RRH: variants seen among roughly 807,000 people sequenced by gnomAD.
RRH encodes visual pigment-like receptor peropsin.
Under a neutral mutation model 33.1 loss-of-function variants are expected in RRH, and 36 were observed. That is an observed-to-expected ratio of 1.09 (90% CI 0.83 to 1.44). The LOEUF (loss-of-function observed/expected upper bound fraction) is 1.44, where lower values mean the gene tolerates loss of function less well. Among genes scored for constraint, RRH ranks in the 40% most tolerant of loss-of-function variants. The pLI is 0.00. For synonymous variants in RRH, 124 were observed against 140.2 expected (o/e 0.88, Z 0.82); for missense variants, 393 against 420.2 (o/e 0.94, Z 0.57).
Position 109,843,879 on chromosome 4 carries a change from G to A in RRH, c.900-204G>A, listed in dbSNP as rs976350944. 4.6e-5 allele frequency among the ~76,000 whole-genome samples: 7 copies of A among 152,198 alleles called. No individual in the cohort carries two copies. In the South Asian group the frequency reaches 6.2e-4, roughly 14 times the overall value. Reference sequence around the variant, plus strand: ...AAAGTTTCTCAACAGGAAATCTATAGAATCAATAGTGCAAAATGGGCTTTA... The same window carrying A: ...AAAGTTTCTCAACAGGAAATCTATAAAATCAATAGTGCAAAATGGGCTTTA... On this transcript the variant is annotated intron_variant, in intron 6 of 6. Transcript: ENST00000317735.
chr4:109,830,158 A>C (rs1393197472), intron 1 of RRH, among the ~76,000 whole-genome samples: 1 of 152,144 alleles, frequency 6.6e-6, no homozygotes, highest in East Asian at 1.9e-4. Flanking sequence ...CCCTTTCCCC[A>C]GTTAAGGCTG....
At chr4:109,838,796 T>C (rs1441900330) in intron 5 of RRH, among the ~76,000 whole-genome samples, 1 of 152,162 alleles carries the variant, frequency 6.6e-6, no homozygotes, top group Non-Finnish European at 1.5e-5. Flanking sequence ...GTGGGTTCTC[T>C]CTGGAAGCTT....
Position 109,833,148 on chromosome 4 carries a change from G to A in RRH, c.116G>A (p.Ser39Asn), listed in dbSNP as rs752658166. The A allele has an allele frequency of 6.2e-6, 10 of 1,611,482 alleles. No individual in the cohort carries two copies. In the South Asian group the frequency reaches 7.7e-5, roughly 12 times the overall value. ...ATYLIMAGMI[S>N]IISNIIVLGI... ...TTGTGTGTGTTCTCAGGTATGATAAGTATTATCAGCAACATAATAGTTCTG... is the reference window on the plus strand; with the variant it reads ...TTGTGTGTGTTCTCAGGTATGATAAATATTATCAGCAACATAATAGTTCTG... Residue 39 changes from serine (S) to asparagine (N), a missense_variant, in exon 2 of 7, where the codon AGT (serine) becomes AAT (asparagine). Physicochemically the swap from Ser to Asn is conservative, Grantham distance 46. Transcript: ENST00000317735.
intron 5 of RRH, among the ~76,000 whole-genome samples, chr4:109,841,963 C>T (rs1159248851): frequency 6.6e-6 from 1 of 152,118 alleles, no homozygotes; most frequent in East Asian, 1.9e-4. Context: ...TTAGAATTCA[C>T]TGAGCTCAAG....
At chr4:109,837,409 A>C in intron 4 of RRH, 28 bp from the exon 5 acceptor site, 1 of 1,602,274 alleles carries the variant, frequency 6.2e-7, no homozygotes, top group Non-Finnish European at 8.6e-7. Context: ...TTAAATGAGC[A>C]ATCATGATTG....
chr4:109,844,589 T>C lies in RRH; in HGVS notation c.*392T>C, dbSNP rs1283120802. On this transcript the variant is annotated 3_prime_UTR_variant, in exon 7 of 7. Transcript: ENST00000317735. ...ATAATTACTGAAATGAGTTGTTGGA[T>C]GTTCCCAGTTAGAATAGAAAGCATT... 6.4e-6 allele frequency: 1 copy of C among 157,218 alleles called. No homozygotes were observed. Among genetic ancestry groups the C allele is most frequent in the Non-Finnish European group, 1.4e-5 (1 of 71,070 alleles). The allele number at this position is 157,218 out of a possible 1,614,324, so 9.7% of individuals were successfully genotyped here. A position where few individuals can be genotyped will look rare whatever the true frequency, so the allele number is the denominator to read the frequency against.
chr4:109,839,190 C>T (rs1384313946), intron 5 of RRH, among the ~76,000 whole-genome samples: 1 of 151,102 alleles, frequency 6.6e-6, no homozygotes, highest in East Asian at 1.9e-4. Flanking sequence ...TGAAGGCCAA[C>T]CCTTGGGTGC....
chr4:109,827,977 A>G lies in RRH; in HGVS notation c.-51A>G. ...TCCTCAGTAGCTCATAAAGCAGTTC[A>G]TAATTATCGAAGGCTTATTATGAAG... On this transcript the variant is annotated 5_prime_UTR_variant, in exon 1 of 7. Coordinates refer to ENST00000317735, the MANE Select transcript of RRH (RefSeq NM_006583.5). The G allele has an allele frequency of 8.6e-7, 1 of 1,167,204 alleles. No homozygotes were observed. Among genetic ancestry groups the G allele is most frequent in the Non-Finnish European group, 1.3e-6 (1 of 774,894 alleles). 72.3% of individuals were successfully genotyped at this position (1,167,204 alleles called of 1,614,324 possible).
chr4:109,831,240 A>C (rs930117754), intron 1 of RRH, among the ~76,000 whole-genome samples: 3 of 152,162 alleles, frequency 2.0e-5, no homozygotes, highest in African/African-American at 4.8e-5. Context: ...TCATTTCATT[A>C]AATTCTTCGG....
At position 109,837,598 on chromosome 4, in the gene RRH, TA is replaced by T. The variant is rs759426015; in HGVS notation, c.715del (p.Thr239GlnfsTer5). On this transcript the variant is annotated frameshift_variant, in exon 5 of 7. Transcript: ENST00000317735. LOFTEE classifies it high-confidence loss of function. ...AGAGACTGGTCAGATCAGATAGATG[TA>T]ACAAAGGTAAGAGATCAAAATCCTT... ...LNRDWSDQID[V>X]TKMSVIMICM... 4 of 1,613,448 alleles carry T rather than the reference TA, an allele frequency of 2.5e-6. No individual in the cohort carries two copies. In the South Asian group the frequency reaches 4.4e-5, roughly 18 times the overall value.
intron 1 of RRH, among the ~76,000 whole-genome samples, chr4:109,829,757 G>T (rs757721614): frequency 7.3e-4 from 111 of 152,156 alleles, no homozygotes; most frequent in Admixed American, 2.0e-3. Flanking sequence ...AGGCATTTTG[G>T]TTCTAGAGCC....
chr4:109,842,056 C>G (rs1733994738), intron 5 of RRH, among the ~76,000 whole-genome samples: 1 of 151,952 alleles, frequency 6.6e-6, no homozygotes, highest in Non-Finnish European at 1.5e-5. Flanking sequence ...CCAGTAAGAG[C>G]AAATAATAAT....
chr4:109,844,247 C>T lies in RRH; in HGVS notation c.*50C>T, dbSNP rs748104103. ...AAAACACTTTAGTTTTTTGACAATG[C>T]TTTTCTTTTAAATATGAGCCCATTT... On this transcript the variant is annotated 3_prime_UTR_variant, in exon 7 of 7. Transcript: ENST00000317735. 2 of 1,191,642 alleles carry T rather than the reference C, an allele frequency of 1.7e-6. No individual in the cohort carries two copies. The highest frequency in any genetic ancestry group is 2.5e-6 in the Non-Finnish European group (2 of 798,934). 73.8% of individuals were successfully genotyped at this position (1,191,642 alleles called of 1,614,324 possible).
intron 1 of RRH, among the ~76,000 whole-genome samples, chr4:109,830,290 T>G (rs1005746662): frequency 1.3e-5 from 2 of 152,016 alleles, no homozygotes; most frequent in Non-Finnish European, 2.9e-5. Flanking sequence ...GCCGTGTAAG[T>G]TTTAAAGGTG....
At chr4:109,833,801 A>G (rs1009526736) in intron 2 of RRH, among the ~76,000 whole-genome samples, 2 of 151,658 alleles carry the variant, frequency 1.3e-5, no homozygotes, top group Non-Finnish European at 2.9e-5. Context: ...GTTAATATTA[A>G]TTTGCCTTAA....
rs774806534 is a variant in RRH, at chr4:109,837,645, C to G, written c.720+40C>G. On this transcript the variant is annotated intron_variant, in intron 5 of 6. Transcript: ENST00000317735. ...TCCTTGAAAAATTGTTGTCATGGAG[C>G]TTTTACCCACTCATAGTTGAAAGAG... 6 of 1,518,814 alleles carry G rather than the reference C, an allele frequency of 4.0e-6. No homozygotes were observed. In the African/African-American group the frequency reaches 8.3e-5, roughly 21 times the overall value. The allele number at this position is 1,518,814 out of a possible 1,614,324, so 94.1% of individuals were successfully genotyped here. A position where few individuals can be genotyped will look rare whatever the true frequency, so the allele number is the denominator to read the frequency against.
rs1046814162 is a variant in RRH at position 109,833,442 on chromosome 4, A to G, written c.297+113A>G. ...TTGAATATTGTAGAATAATAGATAC[A>G]GTGCTTTTATGGAAAACAACAGAAG... On this transcript the variant is annotated intron_variant, in intron 2 of 6. Coordinates refer to ENST00000317735, the MANE Select transcript of RRH (RefSeq NM_006583.5). 7 of 840,906 alleles carry G rather than the reference A, an allele frequency of 8.3e-6. No homozygotes were observed. In the African/African-American group the frequency reaches 1.0e-4, roughly 12 times the overall value. 52.1% of individuals were successfully genotyped at this position (840,906 alleles called of 1,614,324 possible). A position where few individuals can be genotyped will look rare whatever the true frequency, so the allele number is the denominator to read the frequency against.
At chr4:109,842,829 T>C (rs933320417) in intron 6 of RRH, among the ~76,000 whole-genome samples, 182 bp downstream of exon 6, 1 of 152,186 alleles carries the variant, frequency 6.6e-6, no homozygotes, top group Non-Finnish European at 1.5e-5. Flanking sequence ...TTACAGACTC[T>C]TCCCACACAG....
At position 109,836,924 on chromosome 4, in the gene RRH, G is replaced by C. The variant is rs551950667; in HGVS notation, c.552-513G>C. On this transcript the variant is annotated intron_variant, in intron 4 of 6. Transcript: ENST00000317735. Reference sequence around the variant, plus strand: ...AAAAAAAAAAAAAGCAGAGGGTGGTGCGGGGGGTGGGAAATTAGCTGGCTG... The same window carrying C: ...AAAAAAAAAAAAAGCAGAGGGTGGTCCGGGGGGTGGGAAATTAGCTGGCTG... 4.3e-5 allele frequency among the ~76,000 whole-genome samples: 6 copies of C among 140,628 alleles called. No individual in the cohort carries two copies. In the South Asian group the frequency reaches 6.5e-4, roughly 15 times the overall value. 92.3% of individuals were successfully genotyped at this position (140,628 alleles called of 152,430 possible).
Sources: allele counts gnomAD v4.1 joint callset (sites outside exome capture counted in the v4.1 genomes callset), GRCh38; gene constraint gnomAD v4.1.1; transcripts MANE v1.5; gene names NCBI Gene and HGNC (gene_info 2026-07-23, HGNC 2026-07-21).